The following TCP11L2 variants were observed in gnomAD, a reference collection of about 807,000 sequenced individuals.
The protein encoded by TCP11L2 is T-complex protein 11-like protein 2.
A neutral mutation model predicts 50.7 loss-of-function variants in TCP11L2; 39 were observed. That is an observed-to-expected ratio of 0.77 (90% CI 0.60 to 1.01). TCP11L2 has a LOEUF of 1.01. Ranked by LOEUF, TCP11L2 falls within the 50% of genes least tolerant of loss-of-function variation. TCP11L2 has a pLI of 0.00. For missense variants in TCP11L2, 612 were observed against 614.7 expected, an observed-to-expected ratio of 1.00 and a Z score of 0.05; for synonymous variants, 192 against 219.3, an observed-to-expected ratio of 0.88 and a Z score of 1.10.
chr12:106,335,522 G>A (rs1172654487), intron 6 of TCP11L2, 117 bp from the exon 7 acceptor site: 1 of 1,012,198 alleles, frequency 9.9e-7, no homozygotes, highest in African/African-American at 1.6e-5. Flanking sequence ...CTCCTTGCAG[G>A]GCATGGCTGT....
At chr12:106,305,013 G>A (rs1379511406) in intron 1 of TCP11L2, among the ~76,000 whole-genome samples, 1 of 152,180 alleles carries the variant, frequency 6.6e-6, no homozygotes, top group African/African-American at 2.4e-5. Context: ...GTGATGGGTA[G>A]ATGGATTTGG....
intron 1 of TCP11L2, 25 bp from the exon 2 acceptor site, chr12:106,311,016 A>T: frequency 6.4e-7 from 1 of 1,573,924 alleles, no homozygotes; most frequent in South Asian, 1.2e-5. Flanking sequence ...CAGAACATTG[A>T]CGCAGGGTCT....
At chr12:106,309,624 C>T (rs1327556714) in intron 1 of TCP11L2, among the ~76,000 whole-genome samples, 1 of 151,848 alleles carries the variant, frequency 6.6e-6, no homozygotes, top group East Asian at 1.9e-4. Flanking sequence ...GCTAGTGCCC[C>T]TTCTCCCGCT....
In TCP11L2 at chr12:106,336,227, T is replaced by C. The variant is rs1348519632; in HGVS notation, c.1142+14T>C. On this transcript the variant is annotated intron_variant, in intron 8 of 9. Transcript: ENST00000299045. ...CATGAACAAAGAGTAAGTTCCAAAT[T>C]TTTGCATCTGCTCCCTCTTGTATTA... 1.9e-6 allele frequency: 3 copies of C among 1,598,420 alleles called. No individual in the cohort carries two copies. In the African/African-American group the frequency reaches 4.1e-5, roughly 22 times the overall value.
rs138066544 is a variant in TCP11L2, at chr12:106,321,520, G to T, written c.449G>T (p.Arg150Leu). The T allele has an allele frequency of 6.2e-6, 10 of 1,614,096 alleles. No homozygotes were observed. Among genetic ancestry groups the T allele is most frequent in the Non-Finnish European group, 8.5e-6 (10 of 1,180,010 alleles). The change falls in exon 5 of 10, where the codon CGG (arginine) becomes CTG (leucine). Residue 150 changes from arginine to leucine, a missense_variant. Physicochemically the swap from Arg to Leu is moderately radical, Grantham distance 102. Transcript: ENST00000299045. ...TCTTTTCTCACTCCCGGTGGCAACC[G>T]GCTTCGCAACCAAATCTGTGAAGTT... is the stretch of plus-strand genomic sequence containing the variant. ...LLSFLTPGGN[R>L]LRNQICEVLD...
intron 1 of TCP11L2, among the ~76,000 whole-genome samples, chr12:106,306,560 T>C (rs760693606): frequency 3.9e-5 from 6 of 152,194 alleles, no homozygotes; most frequent in Non-Finnish European, 7.4e-5. Flanking sequence ...GGATCCACTC[T>C]AGGATCACCT....
chr12:106,307,056 G>A (rs2034659464), intron 1 of TCP11L2, among the ~76,000 whole-genome samples: 1 of 152,204 alleles, frequency 6.6e-6, no homozygotes, highest in African/African-American at 2.4e-5. Flanking sequence ...TATCTGTAGT[G>A]AAATACAGCA....
intron 5 of TCP11L2, 26 bp from the exon 6 acceptor site, chr12:106,323,480 ATCTC>A: frequency 6.6e-7 from 1 of 1,524,110 alleles, no homozygotes; most frequent in Non-Finnish European, 8.9e-7. Flanking sequence ...CTTCTTAATC[ATCTC>A]TCTATTTTAA....
chr12:106,307,073 C>G (rs1592924484), intron 1 of TCP11L2, among the ~76,000 whole-genome samples: 1 of 152,182 alleles, frequency 6.6e-6, no homozygotes, highest in African/African-American at 2.4e-5. Context: ...AGCACTAGCC[C>G]CTTCAAGTCC....
At chr12:106,317,290 C>G (rs1419188537) in intron 3 of TCP11L2, among the ~76,000 whole-genome samples, 1 of 152,066 alleles carries the variant, frequency 6.6e-6, no homozygotes, top group Non-Finnish European at 1.5e-5. Flanking sequence ...CTGAGGTGAG[C>G]AGATCACCTG....
At chr12:106,301,855 A>C (rs2034424772), upstream of TCP11L2, 1 of 152,226 alleles carries the variant, frequency 6.6e-6, no homozygotes, top group South Asian at 2.1e-4. Context: ...ATTTACATTA[A>C]CCAAGGTGGA....
intron 6 of TCP11L2, among the ~76,000 whole-genome samples, chr12:106,332,133 G>T (rs1209917197): frequency 6.6e-6 from 1 of 152,152 alleles, no homozygotes; most frequent in Non-Finnish European, 1.5e-5. Context: ...GGAGCCATTT[G>T]CTATACTTTA....
intron 1 of TCP11L2, among the ~76,000 whole-genome samples, chr12:106,308,778 C>G (rs11836922): frequency 0.038 from 5,818 of 152,198 alleles, 399 homozygotes; most frequent in African/African-American, 0.13. Context: ...GCAGTACCAG[C>G]CTGGTTAACG....
intron 4 of TCP11L2, among the ~76,000 whole-genome samples, chr12:106,319,658 C>T (rs769628524): frequency 9.9e-5 from 15 of 152,226 alleles, no homozygotes; most frequent in Non-Finnish European, 1.8e-4. Flanking sequence ...AGGGCTTGCT[C>T]TATTCCAAGC....
intron 9 of TCP11L2, among the ~76,000 whole-genome samples, chr12:106,341,839 T>C (rs1159869989): frequency 6.6e-6 from 1 of 152,210 alleles, no homozygotes; most frequent in Non-Finnish European, 1.5e-5. Context: ...TCATTGAGTC[T>C]CAGTGGCTCC....
intron 6 of TCP11L2, among the ~76,000 whole-genome samples, chr12:106,331,298 C>T (rs1053468944): frequency 1.3e-5 from 2 of 151,690 alleles, no homozygotes; most frequent in Middle Eastern, 3.2e-3. Flanking sequence ...CTCCCTCAAG[C>T]TAGCACGCTA....
At chr12:106,329,254 C>T in intron 6 of TCP11L2, 2 of 1,504,256 alleles carry the variant, frequency 1.3e-6, no homozygotes, top group Non-Finnish European at 1.8e-6. Context: ...TGGTACAATA[C>T]CTGGGACTGA....
chr12:106,338,592 C>T (rs1199825828), intron 8 of TCP11L2, among the ~76,000 whole-genome samples: 2 of 152,114 alleles, frequency 1.3e-5, no homozygotes, highest in Admixed American at 6.5e-5. Flanking sequence ...GATTCCATGT[C>T]TTTGCTGTTG....
upstream of TCP11L2, among the ~76,000 whole-genome samples, chr12:106,301,102 A>T (rs574377587): frequency 9.9e-5 from 15 of 152,234 alleles, no homozygotes; most frequent in Admixed American, 1.3e-4. Flanking sequence ...GTCATTTGGC[A>T]GGAATTGAAA....
Sources: gnomAD v4.1 joint callset for allele counts (sites outside exome capture counted in the v4.1 genomes callset) on GRCh38, gnomAD v4.1.1 for gene constraint, MANE v1.5 for transcripts, NCBI Gene and HGNC (gene_info 2026-07-23, HGNC 2026-07-21) for gene names.